Variants in ZNF184 observed in about 807,000 individuals in gnomAD.
The protein encoded by ZNF184 is zinc finger protein 184, also known as zinc finger protein 184 (Kruppel-like).
A neutral mutation model predicts 54.4 loss-of-function variants in ZNF184; 16 were observed. The ratio of observed to expected loss-of-function variants is 0.29; its 90% CI spans 0.20 to 0.45. The LOEUF (loss-of-function observed/expected upper bound fraction) is 0.45, where lower values mean the gene tolerates loss of function less well. Among genes scored for constraint, ZNF184 ranks in the 20% least tolerant of loss-of-function variants. ZNF184 has a pLI of 1.00. For synonymous variants in ZNF184, 254 were observed against 295.3 expected, an observed-to-expected ratio of 0.86 and a Z score of 1.43; for missense variants, 681 against 888.2, an observed-to-expected ratio of 0.77 and a Z score of 2.97.
the ZNF184 span, among the ~76,000 whole-genome samples, chr6:27,428,473 C>T: frequency 2.5e-3 from 387 of 152,234 alleles, 2 homozygotes; most frequent in African/African-American, 8.9e-3. This position sits in a 1 kb window ranked among gnomAD's most constrained non-coding sequence, Gnocchi z 4.1. Flanking sequence ...TAGCATCCAG[C>T]GTCAATGAAT....
chr6:27,430,455 C>T, the ZNF184 span, among the ~76,000 whole-genome samples: 1 of 150,374 alleles, frequency 6.7e-6, no homozygotes, highest in African/African-American at 2.4e-5. Flanking sequence ...AGGAGGTTAT[C>T]CTGGTTAGCA....
downstream of ZNF184, among the ~76,000 whole-genome samples, chr6:27,447,892 G>A (rs1422363011): frequency 6.6e-6 from 1 of 152,094 alleles, no homozygotes; most frequent in Non-Finnish European, 1.5e-5. Context: ...ATCAGATGAT[G>A]TAGCACAAAG....
At chr6:27,433,908 TTTTC>T in the ZNF184 span, among the ~76,000 whole-genome samples, 12 of 149,350 alleles carry the variant, frequency 8.0e-5, no homozygotes, top group African/African-American at 1.2e-4. Context: ...TTCTTTCTCT[TTTTC>T]TTTCTTTCTT....
chr6:27,467,846 A>T lies in ZNF184; in HGVS notation c.75+7T>A. On this transcript the variant is annotated splice_region_variant and intron_variant, in intron 3 of 5. Coordinates refer to ENST00000683788, the MANE Select transcript of ZNF184 (RefSeq NM_001318891.2). The stretch of plus-strand genomic sequence containing the variant: ...ATAAAATGGCATTTCAAGAAACCAC[A>T]TCTTACCTGAAAACTGGCTGATGAG... 6.2e-7 allele frequency: 1 copy of T among 1,608,290 alleles called. No individual in the cohort carries two copies. Among genetic ancestry groups the T allele is most frequent in the South Asian group, 1.1e-5 (1 of 89,734 alleles).
At chr6:27,471,503 C>G (rs1763274703) in intron 2 of ZNF184, among the ~76,000 whole-genome samples, 1 of 152,100 alleles carries the variant, frequency 6.6e-6, no homozygotes, top group Non-Finnish European at 1.5e-5. Flanking sequence ...TAATCCGAGT[C>G]AAAGGAAGTA....
chr6:27,419,965 A>G, the ZNF184 span, among the ~76,000 whole-genome samples: 5 of 151,804 alleles, frequency 3.3e-5, no homozygotes, highest in Non-Finnish European at 7.4e-5. The surrounding 1 kb of genome is among the most constrained non-coding windows in gnomAD (Gnocchi z 4.8). Flanking sequence ...GGCTATGCTC[A>G]CTCCTTGGGT....
At chr6:27,421,479 A>C in the ZNF184 span, among the ~76,000 whole-genome samples, 90,383 of 151,974 alleles carry the variant, frequency 0.59, 27,227 homozygotes, top group Middle Eastern at 0.75. Flanking sequence ...TCATCAAGGG[A>C]TGACAGCATA....
intron 3 of ZNF184, among the ~76,000 whole-genome samples, chr6:27,462,035 A>G (rs1487312608): frequency 6.6e-6 from 1 of 152,204 alleles, no homozygotes; most frequent in South Asian, 2.1e-4. Flanking sequence ...GGAAAACTTC[A>G]TAATTCATGA....
chr6:27,440,065 A>G, the ZNF184 span, among the ~76,000 whole-genome samples: 3 of 152,212 alleles, frequency 2.0e-5, no homozygotes, highest in African/African-American at 7.2e-5. Flanking sequence ...ATCAAAACTC[A>G]TGTATCCAAT....
intron 3 of ZNF184, among the ~76,000 whole-genome samples, chr6:27,460,305 A>T (rs1352255796): frequency 6.6e-6 from 1 of 152,224 alleles, no homozygotes; most frequent in Non-Finnish European, 1.5e-5. Flanking sequence ...TGTATTTAAA[A>T]CTAAGTGAGA....
chr6:27,438,286 A>G, the ZNF184 span, among the ~76,000 whole-genome samples: 1 of 152,170 alleles, frequency 6.6e-6, no homozygotes, highest in Non-Finnish European at 1.5e-5. Flanking sequence ...CTTGAGAACT[A>G]ATTATATTAT....
In ZNF184 at chr6:27,452,518, G is replaced by GCCTC. The variant is rs1443488709; in HGVS notation, c.1037_1040dup (p.His348ArgfsTer17). On this transcript the variant is annotated frameshift_variant, in exon 6 of 6. Coordinates refer to ENST00000683788, the MANE Select transcript of ZNF184 (RefSeq NM_001318891.2). LOFTEE classifies it high-confidence loss of function. This position sits in a 1 kb window ranked among gnomAD's most constrained non-coding sequence, Gnocchi z 5.5. ...GAATTTTCTGATGTTCCATAAAGTG[G>GCCTC]CCTCTCTGGCTAAAGGCTTTTCCAC... 1 of 1,613,920 alleles carries GCCTC rather than the reference G, an allele frequency of 6.2e-7. No individual in the cohort carries two copies.
chr6:27,419,083 T>G, the ZNF184 span, among the ~76,000 whole-genome samples: 1 of 152,088 alleles, frequency 6.6e-6, no homozygotes, highest in Non-Finnish European at 1.5e-5. The surrounding 1 kb of genome is among the most constrained non-coding windows in gnomAD (Gnocchi z 4.8). Context: ...CCAACCACTT[T>G]TTAAATTTTA....
the ZNF184 span, among the ~76,000 whole-genome samples, chr6:27,435,343 T>C: frequency 6.6e-6 from 1 of 152,198 alleles, no homozygotes; most frequent in Non-Finnish European, 1.5e-5. Context: ...TAGTTTTTAG[T>C]GTACAAATCA....
In ZNF184 at chr6:27,452,423, T is replaced by C; in HGVS notation, c.1136A>G (p.Gln379Arg). ...KTFTRSTHLTQHQKIHTGEKT... is the reference protein window; with the variant it reads ...KTFTRSTHLTRHQKIHTGEKT... ...TTCTCCAGTATGAATTTTTTGATGTTGAGTAAGGTGTGTGCTCCTGGTGAA... is the reference window on the plus strand; with the variant it reads ...TTCTCCAGTATGAATTTTTTGATGTCGAGTAAGGTGTGTGCTCCTGGTGAA... The change falls in exon 6 of 6, where the codon CAA becomes CGA. Residue 379 changes from glutamine to arginine, a missense_variant. Coordinates refer to ENST00000683788, the MANE Select transcript of ZNF184 (RefSeq NM_001318891.2). The surrounding 1 kb of genome is among the most constrained non-coding windows in gnomAD (Gnocchi z 5.5). 1 of 1,613,988 alleles carries C rather than the reference T, an allele frequency of 6.2e-7. No homozygotes were observed. Among genetic ancestry groups the C allele is most frequent in the Non-Finnish European group, 8.5e-7 (1 of 1,179,974 alleles).
intron 3 of ZNF184, among the ~76,000 whole-genome samples, chr6:27,457,716 G>A (rs1434370739): frequency 2.6e-5 from 4 of 152,134 alleles, no homozygotes; most frequent in South Asian, 2.1e-4. Flanking sequence ...TCCAAGGTCC[G>A]CTAAGTATTA....
At chr6:27,468,578 C>T (rs1021823505) in intron 2 of ZNF184, among the ~76,000 whole-genome samples, 5 of 152,218 alleles carry the variant, frequency 3.3e-5, no homozygotes, top group African/African-American at 1.2e-4. Flanking sequence ...AGGATCTTCA[C>T]TGCAGATTTA....
At chr6:27,462,593 A>G (rs7764070) in intron 3 of ZNF184, among the ~76,000 whole-genome samples, 98,298 of 150,756 alleles carry the variant, frequency 0.65, 32,340 homozygotes, top group Middle Eastern at 0.76. Context: ...AGCTGGGCAC[A>G]GTGGCTCACA....
At position 27,452,007 on chromosome 6, in the gene ZNF184, T is replaced by A. The variant is rs2113710326; in HGVS notation, c.1552A>T (p.Asn518Tyr). 1 of 1,613,950 alleles carries A rather than the reference T, an allele frequency of 6.2e-7. No homozygotes were observed. Among genetic ancestry groups the A allele is most frequent in the South Asian group, 1.1e-5 (1 of 91,068 alleles). ...TGAGTATGAGTTTTCTGATGCTGATTAAGGTTTGAGAGATAACTGAAAGCC... is the reference window on the plus strand; with the variant it reads ...TGAGTATGAGTTTTCTGATGCTGATAAAGGTTTGAGAGATAACTGAAAGCC... ...GKAFSYLSNL[N>Y]QHQKTHTQEK... The change falls in exon 6 of 6, where the codon AAT becomes TAT. Residue 518 changes from asparagine to tyrosine, a missense_variant. Physicochemically the swap from Asn to Tyr is moderately radical, Grantham distance 143. Transcript: ENST00000683788. The surrounding 1 kb of genome is among the most constrained non-coding windows in gnomAD (Gnocchi z 5.5).
Sources: gnomAD v4.1 joint callset for allele counts (sites outside exome capture counted in the v4.1 genomes callset) on GRCh38, gnomAD v4.1.1 for gene constraint, Gnocchi (gnomAD v3.1) non-coding constraint, MANE v1.5 for transcripts, NCBI Gene and HGNC (gene_info 2026-07-23, HGNC 2026-07-21) for gene names.